The following PPP1R1C variants were observed in gnomAD, a reference collection of about 807,000 sequenced individuals.
PPP1R1C encodes the protein protein phosphatase 1 regulatory inhibitor subunit 1C, also known as protein phosphatase 1 regulatory subunit 1C.
In PPP1R1C, 15 loss-of-function variants were observed where a neutral mutation model predicts 17.4. The ratio of observed to expected loss-of-function variants is 0.86; its 90% CI spans 0.58 to 1.33. The LOEUF (loss-of-function observed/expected upper bound fraction) is 1.33, where lower values mean the gene tolerates loss of function less well. Ranked by LOEUF, PPP1R1C falls within the 40% of genes most tolerant of loss-of-function variation. The probability of loss-of-function intolerance (pLI) is 0.00; values close to 1 mark genes in which losing one functional copy is unlikely to be tolerated. For synonymous variants in PPP1R1C, 35 were observed against 43.1 expected (o/e 0.81, Z 0.73); for missense variants, 143 against 130.0 (o/e 1.10, Z -0.48).
intron 5 of PPP1R1C, among the ~76,000 whole-genome samples, chr2:182,124,424 T>C (rs1295036042): frequency 6.7e-6 from 1 of 148,874 alleles, no homozygotes; most frequent in Non-Finnish European, 1.5e-5. Flanking sequence ...TTTTTTCTAA[T>C]TCTATGAAGA....
At chr2:181,959,585 T>C in intron 1 of PPP1R1C, among the ~76,000 whole-genome samples, 1 of 152,166 alleles carries the variant, frequency 6.6e-6, no homozygotes, top group East Asian at 1.9e-4. Flanking sequence ...CAGCAAAATA[T>C]GTGGGAATAT....
rs537773471 is a variant in PPP1R1C at position 181,991,023 on chromosome 2, T to C, written c.142+3124T>C. Among the ~76,000 whole-genome samples the C allele has an allele frequency of 7.0e-4, 106 of 152,262 alleles. 2 individuals carry two copies. Among genetic ancestry groups the C allele is most frequent in the Admixed American group, 5.0e-3 (76 of 15,292 alleles). ...AATAAAGCAAAGAAAATTAAATTCTTCATTATAGAAACATAAGTAATAAAA... is the reference window on the plus strand; with the variant it reads ...AATAAAGCAAAGAAAATTAAATTCTCCATTATAGAAACATAAGTAATAAAA... On this transcript the variant is annotated intron_variant, in intron 2 of 4. Coordinates refer to ENST00000682840, the MANE Select transcript of PPP1R1C (RefSeq NM_001080545.3).
At chr2:182,061,273 C>T (rs183050622) in intron 2 of PPP1R1C, among the ~76,000 whole-genome samples, 169 bp from the exon 3 acceptor site, 193 of 152,132 alleles carry the variant, frequency 1.3e-3, no homozygotes, top group Non-Finnish European at 2.1e-3. Flanking sequence ...AAGGTTATAT[C>T]AAAAGGAAAC....
At chr2:181,983,831 A>G (rs1685238679), upstream of PPP1R1C, among the ~76,000 whole-genome samples, 5 of 152,202 alleles carry the variant, frequency 3.3e-5, no homozygotes. Context: ...GAGAACAGTA[A>G]ATCTACAAAG....
intron 2 of PPP1R1C, among the ~76,000 whole-genome samples, chr2:182,048,331 G>A (rs976590511): frequency 1.3e-5 from 2 of 152,132 alleles, no homozygotes; most frequent in South Asian, 2.1e-4. Context: ...GGCCTTCAAC[G>A]GAGCCCAGCA....
chr2:182,019,015 A>G (rs961085786), intron 2 of PPP1R1C, among the ~76,000 whole-genome samples: 4 of 152,176 alleles, frequency 2.6e-5, no homozygotes, highest in Admixed American at 6.5e-5. Flanking sequence ...ATATATATCT[A>G]TATTATAATA....
chr2:182,129,708 A>G (rs1029044208), exon 6 of PPP1R1C: 1 of 152,104 alleles, frequency 6.6e-6, no homozygotes, highest in Non-Finnish European at 1.5e-5. Context: ...TAATCCAACA[A>G]ACGCTTCCAC....
At chr2:182,060,807 A>T (rs1436283608) in intron 2 of PPP1R1C, among the ~76,000 whole-genome samples, 2 of 152,028 alleles carry the variant, frequency 1.3e-5, no homozygotes, top group African/African-American at 2.4e-5. Context: ...TGACGAGGTA[A>T]AAAAGAAACC....
At chr2:181,982,308 C>A (rs1430207802), upstream of PPP1R1C, among the ~76,000 whole-genome samples, 2 of 152,170 alleles carry the variant, frequency 1.3e-5, no homozygotes, top group Non-Finnish European at 2.9e-5. Flanking sequence ...GCAAGAAATA[C>A]TAACAGCAAG....
intron 2 of PPP1R1C, among the ~76,000 whole-genome samples, chr2:181,990,412 G>A (rs1034933003): frequency 6.6e-6 from 1 of 152,032 alleles, no homozygotes; most frequent in African/African-American, 2.4e-5. Context: ...CTAAGGGCTG[G>A]GATTACAGGC....
intron 2 of PPP1R1C, among the ~76,000 whole-genome samples, chr2:182,017,076 A>G (rs1686282807): frequency 1.3e-5 from 2 of 152,192 alleles, no homozygotes. Flanking sequence ...TCTTTGCCAA[A>G]TACTTGGTAG....
At position 181,976,346 on chromosome 2, in the gene PPP1R1C, A is replaced by G. The variant is rs1685091713; in HGVS notation, n.157+1082A>G. Among the ~76,000 whole-genome samples the G allele has an allele frequency of 6.6e-6, 1 of 152,114 alleles. No homozygotes were observed. The highest frequency in any genetic ancestry group is 1.5e-5 in the Non-Finnish European group (1 of 67,984). ...TGAAATTTTTGAAAATTATTTGGAA[A>G]CCCTACCAACAACAGAGTTCTAGAA... On this transcript the variant is annotated intron_variant and non_coding_transcript_variant, in intron 2 of 5. Transcript: ENST00000464264. This position sits in a 1 kb window ranked among gnomAD's most constrained non-coding sequence, Gnocchi z 4.8.
intron 4 of PPP1R1C, among the ~76,000 whole-genome samples, chr2:182,075,178 A>G (rs1221869256): frequency 6.6e-6 from 1 of 152,238 alleles, no homozygotes; most frequent in Non-Finnish European, 1.5e-5. Context: ...GGTATACTGA[A>G]GCTATCATTT....
At chr2:181,990,637 T>A (rs750659351) in intron 2 of PPP1R1C, among the ~76,000 whole-genome samples, 9 of 152,186 alleles carry the variant, frequency 5.9e-5, no homozygotes, top group Non-Finnish European at 1.3e-4. Flanking sequence ...AACAAAGATA[T>A]AACAAGAAAA....
rs143865097 is a variant in PPP1R1C at position 181,976,208 on chromosome 2, C to T, written n.157+944C>T. 1.3e-5 allele frequency among the ~76,000 whole-genome samples: 2 copies of T among 151,818 alleles called. No homozygotes were observed. Among genetic ancestry groups the T allele is most frequent in the African/African-American group, 2.4e-5 (1 of 41,322 alleles). ...CATCACACACAAAAGTATAAGTAAGCGTGTATGTATATGTCAGTAGGTGTT... is the reference window on the plus strand; with the variant it reads ...CATCACACACAAAAGTATAAGTAAGTGTGTATGTATATGTCAGTAGGTGTT... On this transcript the variant is annotated intron_variant and non_coding_transcript_variant, in intron 2 of 5. Coordinates refer to the PPP1R1C transcript ENST00000464264. The surrounding 1 kb of genome is among the most constrained non-coding windows in gnomAD (Gnocchi z 4.8).
At chr2:182,112,281 G>A (rs1251782136) in intron 4 of PPP1R1C, among the ~76,000 whole-genome samples, 1 of 152,042 alleles carries the variant, frequency 6.6e-6, no homozygotes, top group Non-Finnish European at 1.5e-5. Context: ...GTCCAGGTTT[G>A]GGAACTGATC....
chr2:182,021,474 C>T (rs1041794011), intron 2 of PPP1R1C, among the ~76,000 whole-genome samples: 5 of 151,704 alleles, frequency 3.3e-5, no homozygotes, highest in African/African-American at 4.8e-5. Flanking sequence ...ACTACAGGTG[C>T]GAGACACCAC....
intron 2 of PPP1R1C, among the ~76,000 whole-genome samples, chr2:181,977,292 G>A (rs1685111234): frequency 6.6e-6 from 1 of 151,412 alleles, no homozygotes; most frequent in African/African-American, 2.4e-5. Context: ...TTGACATGCT[G>A]ATCACATGTT....
At chr2:182,006,612 G>C (rs907248807) in intron 2 of PPP1R1C, among the ~76,000 whole-genome samples, 2 of 152,162 alleles carry the variant, frequency 1.3e-5, no homozygotes, top group Non-Finnish European at 2.9e-5. Context: ...TTTCTGGCTG[G>C]TCTGTTCCTT....
Sources: gnomAD v4.1 joint callset for allele counts (sites outside exome capture counted in the v4.1 genomes callset) on GRCh38, gnomAD v4.1.1 for gene constraint, Gnocchi (gnomAD v3.1) non-coding constraint, MANE v1.5 for transcripts, NCBI Gene and HGNC (gene_info 2026-07-23, HGNC 2026-07-21) for gene names.